PCDHA3: variants seen among roughly 807,000 people sequenced by gnomAD.
The protein encoded by PCDHA3 is protocadherin alpha 3.
In PCDHA3, 41 loss-of-function variants were observed where a neutral mutation model predicts 62.2. The ratio of observed to expected loss-of-function variants is 0.66; its 90% CI spans 0.51 to 0.86. PCDHA3 has a LOEUF of 0.86. PCDHA3 is among the 40% of genes least tolerant of loss of function. PCDHA3 has a pLI of 0.00. For synonymous variants in PCDHA3, 640 were observed against 555.4 expected, an observed-to-expected ratio of 1.15 and a Z score of -2.14; for missense variants, 1,304 against 1,241.2, an observed-to-expected ratio of 1.05 and a Z score of -0.76.
intron 1 of PCDHA3, among the ~76,000 whole-genome samples, chr5:140,917,059 G>A (rs1174473146): frequency 6.6e-6 from 1 of 152,044 alleles, no homozygotes; most frequent in Non-Finnish European, 1.5e-5. Context: ...TCCCTGCTAC[G>A]ACAGCACCGA....
intron 1 of PCDHA3, among the ~76,000 whole-genome samples, chr5:140,962,792 T>C (rs1554226245): frequency 6.6e-6 from 1 of 152,234 alleles, no homozygotes; most frequent in African/African-American, 2.4e-5. Context: ...AAAAACTACT[T>C]TGGACAACTC....
rs559156187 is a variant in PCDHA3 at position 140,858,121 on chromosome 5, G to A, written c.2394+54530G>A. On this transcript the variant is annotated intron_variant, in intron 1 of 3. Coordinates refer to ENST00000522353, the MANE Select transcript of PCDHA3 (RefSeq NM_018906.3). ...TGGGCGTGGCGCCCGAGGTGGCCCTGGTGGATGTCAACGTGTACCTGATCA... is the reference window on the plus strand; with the variant it reads ...TGGGCGTGGCGCCCGAGGTGGCCCTAGTGGATGTCAACGTGTACCTGATCA... 7 of 1,597,864 alleles carry A rather than the reference G, an allele frequency of 4.4e-6. No individual in the cohort carries two copies. The South Asian group carries it at 5.5e-5, about 13-fold the overall frequency.
rs371820170 is a variant in PCDHA3, at chr5:140,871,346, C to T, written c.2394+67755C>T. 1.1e-5 allele frequency: 17 copies of T among 1,614,104 alleles called. No homozygotes were observed. Among genetic ancestry groups the T allele is most frequent in the African/African-American group, 4.0e-5 (3 of 74,954 alleles). ...TGCTCCCGCGCGGTGGGGAGCTGGT[C>T]ATACTCGCAGCAGAGGCGGCAGAGG... is the stretch of plus-strand genomic sequence containing the variant. On this transcript the variant is annotated intron_variant, in intron 1 of 3. Transcript: ENST00000522353.
At chr5:140,981,207 T>C (rs1163326728) in intron 2 of PCDHA3, among the ~76,000 whole-genome samples, 1 of 152,230 alleles carries the variant, frequency 6.6e-6, no homozygotes, top group Non-Finnish European at 1.5e-5. Context: ...TTGCCTCATA[T>C]AACCCCTTTA....
rs113297104 is a variant in PCDHA3 at position 140,984,945 on chromosome 5, CT to C, written c.2542+2392del. On this transcript the variant is annotated intron_variant, in intron 3 of 3. Transcript: ENST00000522353. The stretch of plus-strand genomic sequence containing the variant: ...GACATATAGTTAATAAATGTCTAAT[CT>C]TTTTTTTTTGAGACAGAGTCTCGCT... Among the ~76,000 whole-genome samples the C allele has an allele frequency of 9.4e-3, 1,407 of 149,276 alleles. 15 individuals are homozygous for C. Among genetic ancestry groups the C allele is most frequent in the East Asian group, 0.044 (226 of 5,092 alleles).
chr5:140,811,542 A>G (rs1410589900), intron 1 of PCDHA3: 2 of 152,144 alleles, frequency 1.3e-5, no homozygotes, highest in East Asian at 3.8e-4. Context: ...GTCAAATGGT[A>G]TTTCTAGTTC....
At chr5:140,830,470 A>G in intron 1 of PCDHA3, 2 of 1,563,546 alleles carry the variant, frequency 1.3e-6, no homozygotes, top group Non-Finnish European at 8.7e-7. Context: ...ATTTAAATGA[A>G]GATCATGATG....
At chr5:141,003,750 A>T (rs868985181) in intron 3 of PCDHA3, among the ~76,000 whole-genome samples, 3 of 152,226 alleles carry the variant, frequency 2.0e-5, no homozygotes, top group African/African-American at 7.2e-5. Flanking sequence ...CATATTTTGT[A>T]TAATTATGGT....
rs548391443 is a variant in PCDHA3, at chr5:140,892,979, C to T, written c.2395-85970C>T. Among the ~76,000 whole-genome samples, 6 of 152,224 alleles carry T rather than the reference C, an allele frequency of 3.9e-5. No individual in the cohort carries two copies. The South Asian group carries it at 1.2e-3, about 32-fold the overall frequency. On this transcript the variant is annotated intron_variant, in intron 1 of 3. Transcript: ENST00000522353. ...GAGCTCAATAAAATTTTGTAGCTGC[C>T]GTATAAGTGAGAACATGTATTTATT...
intron 1 of PCDHA3, chr5:140,926,295 C>T (rs1554203253): frequency 6.6e-6 from 1 of 152,322 alleles, no homozygotes; most frequent in African/African-American, 2.4e-5. Flanking sequence ...CGCTGAGTCC[C>T]GCCCTCTCCG....
In PCDHA3 at chr5:140,801,536, G is replaced by A. The variant is rs1048650512; in HGVS notation, c.339G>A (p.Pro113=). ...ACCTGGAGGTGATCGTGGACAGGCCGCTGCAGGTTTTCCATGTGGAGGTGG... is the reference window on the plus strand; with the variant it reads ...ACCTGGAGGTGATCGTGGACAGGCCACTGCAGGTTTTCCATGTGGAGGTGG... ...SIHLEVIVDR[P]LQVFHVEVEV... The change falls in exon 1 of 4, where the codon CCG becomes CCA. Residue 113 remains proline (P), a synonymous_variant. Coordinates refer to ENST00000522353, the MANE Select transcript of PCDHA3 (RefSeq NM_018906.3). 4 of 1,614,262 alleles carry A rather than the reference G, an allele frequency of 2.5e-6. No individual in the cohort carries two copies. The highest frequency in any genetic ancestry group is 3.3e-5 in the Admixed American group (2 of 60,036).
chr5:140,978,240 C>G (rs1290697340), intron 1 of PCDHA3, among the ~76,000 whole-genome samples: 1 of 152,174 alleles, frequency 6.6e-6, no homozygotes, highest in African/African-American at 2.4e-5. Flanking sequence ...TGGATTTCAG[C>G]TACTCCCTGT....
At chr5:140,848,688 C>T in intron 1 of PCDHA3, 1 of 1,592,412 alleles carries the variant, frequency 6.3e-7, no homozygotes. Context: ...GCGCCTGTTC[C>T]AGTTGGATTC....
At chr5:141,002,331 C>T (rs550513057) in intron 3 of PCDHA3, among the ~76,000 whole-genome samples, 1 of 152,372 alleles carries the variant, frequency 6.6e-6, no homozygotes, top group South Asian at 2.1e-4. Context: ...CGGGCTGCAT[C>T]CGCACCCCTT....
At chr5:140,972,624 G>A (rs2096543924) in intron 1 of PCDHA3, among the ~76,000 whole-genome samples, 1 of 150,616 alleles carries the variant, frequency 6.6e-6, no homozygotes, top group Non-Finnish European at 1.5e-5. Flanking sequence ...GAATGTTGTT[G>A]GCACTCCCTT....
intron 1 of PCDHA3, among the ~76,000 whole-genome samples, chr5:140,890,919 G>A (rs181566078): frequency 3.0e-4 from 46 of 152,178 alleles, no homozygotes; most frequent in Admixed American, 9.2e-4. Flanking sequence ...TAATTTGAGA[G>A]TTTCCTTTAG....
chr5:140,967,052 A>C (rs1554229118), intron 1 of PCDHA3: 1 of 1,612,532 alleles, frequency 6.2e-7, no homozygotes, highest in Non-Finnish European at 8.5e-7. Context: ...GGACCTGACG[A>C]GTGGAGCGCT....
At chr5:140,809,215 A>G (rs782469870) in intron 1 of PCDHA3, 1 of 1,614,050 alleles carries the variant, frequency 6.2e-7, no homozygotes, top group South Asian at 1.1e-5. Flanking sequence ...GACAGGCGCC[A>G]AAGGCCTCCT....
chr5:140,814,832 T>C (rs145888595), intron 1 of PCDHA3: 74 of 152,356 alleles, frequency 4.9e-4, no homozygotes, highest in African/African-American at 1.8e-3. Context: ...TATTTCTCCA[T>C]TTCTGTGAAT....
Sources: gnomAD v4.1 joint callset for allele counts (sites outside exome capture counted in the v4.1 genomes callset) on GRCh38, gnomAD v4.1.1 for gene constraint, MANE v1.5 for transcripts, NCBI Gene and HGNC (gene_info 2026-07-23, HGNC 2026-07-21) for gene names.